LRRC28: variants seen among roughly 807,000 people sequenced by gnomAD.
The protein encoded by LRRC28 is leucine-rich repeat-containing protein 28.
In LRRC28, 39 loss-of-function variants were observed where a neutral mutation model predicts 45.7. The observed-to-expected ratio is 0.85, with a 90% CI of 0.66 to 1.12. The LOEUF is 1.12. Among genes scored for constraint, LRRC28 ranks in the 50% most tolerant of loss-of-function variants. The pLI, the probability that LRRC28 is intolerant of heterozygous loss-of-function variation, is 0.00. For missense variants in LRRC28, 435 were observed against 438.5 expected (o/e 0.99, Z 0.07); for synonymous variants, 206 against 178.8 (o/e 1.15, Z -1.22).
rs555686250 is a variant in LRRC28 at position 99,366,554 on chromosome 15, C to T, written c.1031+3289C>T. 2.6e-5 allele frequency among the ~76,000 whole-genome samples: 4 copies of T among 152,260 alleles called. No individual in the cohort carries two copies. The South Asian group carries it at 6.2e-4, about 24-fold the overall frequency. On this transcript the variant is annotated intron_variant, in intron 9 of 9. Transcript: ENST00000301981. ...TGAAATCAAGGGGTCAGCATGGTTGCGTTCTGGTGAGGGCTCTCTTCCTAG... is the reference window on the plus strand; with the variant it reads ...TGAAATCAAGGGGTCAGCATGGTTGTGTTCTGGTGAGGGCTCTCTTCCTAG...
At position 99,298,550 on chromosome 15, in the gene LRRC28, A is replaced by G. The variant is rs117154786; in HGVS notation, c.385+10599A>G. 3.0e-3 allele frequency among the ~76,000 whole-genome samples: 462 copies of G among 152,328 alleles called. 1 individual carries two copies. Among genetic ancestry groups the G allele is most frequent in the Admixed American group, 8.2e-3 (126 of 15,304 alleles). On this transcript the variant is annotated intron_variant, in intron 5 of 9. Transcript: ENST00000301981. Reference sequence around the variant, plus strand: ...AAATTGCTGAAAATGTTGTGGTTGCATGATAGAAGCCTATAATGAGTTCAT... The same window carrying G: ...AAATTGCTGAAAATGTTGTGGTTGCGTGATAGAAGCCTATAATGAGTTCAT...
chr15:99,383,321 G>C (rs1957885603), intron 9 of LRRC28, among the ~76,000 whole-genome samples: 1 of 152,200 alleles, frequency 6.6e-6, no homozygotes, highest in South Asian at 2.1e-4. Context: ...GAACGTGCCA[G>C]CACTGCGTTG....
At chr15:99,320,758 C>A (rs1474728893) in intron 5 of LRRC28, 1 of 152,126 alleles carries the variant, frequency 6.6e-6, no homozygotes, top group Non-Finnish European at 1.5e-5. Flanking sequence ...TTTGGTTTTG[C>A]CAAACTGGGT....
At chr15:99,378,468 A>C (rs1957712745) in intron 9 of LRRC28, among the ~76,000 whole-genome samples, 1 of 152,182 alleles carries the variant, frequency 6.6e-6, no homozygotes, top group Non-Finnish European at 1.5e-5. Flanking sequence ...CTAAATATAC[A>C]ATCATGTCAT....
At chr15:99,320,159 T>C (rs1225389448) in intron 5 of LRRC28, among the ~76,000 whole-genome samples, 1 of 152,172 alleles carries the variant, frequency 6.6e-6, no homozygotes, top group Non-Finnish European at 1.5e-5. Context: ...CTTTTATAAA[T>C]ATAGTATTCT....
At chr15:99,296,382 T>C (rs1002046629) in intron 5 of LRRC28, among the ~76,000 whole-genome samples, 1 of 152,208 alleles carries the variant, frequency 6.6e-6, no homozygotes, top group African/African-American at 2.4e-5. Context: ...CAGTGTGTTA[T>C]TGTGCCTCCT....
chr15:99,271,285 A>AT (rs71287826), intron 2 of LRRC28, among the ~76,000 whole-genome samples: 56,086 of 145,908 alleles, frequency 0.38, 11,800 homozygotes, highest in Middle Eastern at 0.58. Context: ...CAGTGTATCT[A>AT]TTTTTTTTTT....
intron 3 of LRRC28, among the ~76,000 whole-genome samples, chr15:99,277,722 A>G (rs1454377088): frequency 6.6e-6 from 1 of 152,094 alleles, no homozygotes; most frequent in Non-Finnish European, 1.5e-5. Context: ...GTATGTATGT[A>G]TATGTGTATT....
In LRRC28 at chr15:99,311,542, TAAA is replaced by T. The variant is rs377086347; in HGVS notation, c.386-22378_386-22376del. ...CTATATTCTTGTATGTTTTCAGTTT[TAAA>T]AAGGAAATGTATGAAGACTTGTTTT... On this transcript the variant is annotated intron_variant, in intron 5 of 9. Transcript: ENST00000301981. 2.6e-3 allele frequency among the ~76,000 whole-genome samples: 393 copies of T among 152,320 alleles called. 5 individuals carry two copies. The highest frequency in any genetic ancestry group is 8.8e-3 in the African/African-American group (367 of 41,580).
At chr15:99,376,155 G>A (rs966399080) in intron 9 of LRRC28, among the ~76,000 whole-genome samples, 2 of 151,982 alleles carry the variant, frequency 1.3e-5, no homozygotes, top group African/African-American at 2.4e-5. Flanking sequence ...TTTTTGAATC[G>A]TATTTTCATC....
chr15:99,340,549 G>T (rs1268839387), intron 6 of LRRC28, among the ~76,000 whole-genome samples: 1 of 152,248 alleles, frequency 6.6e-6, no homozygotes, highest in South Asian at 2.1e-4. Context: ...GGAGATGAGT[G>T]TAAACTGTAC....
intron 2 of LRRC28, among the ~76,000 whole-genome samples, chr15:99,266,092 A>C (rs1281006413): frequency 6.6e-6 from 1 of 152,238 alleles, no homozygotes; most frequent in African/African-American, 2.4e-5. Context: ...CAGTTAATCT[A>C]TGCAACAAGA....
At chr15:99,268,084 G>T (rs1444706966) in intron 2 of LRRC28, among the ~76,000 whole-genome samples, 1 of 152,082 alleles carries the variant, frequency 6.6e-6, no homozygotes, top group African/African-American at 2.4e-5. Context: ...AGTTAGTTTT[G>T]CTTCATTTTA....
At chr15:99,357,403 C>T (rs1037398919) in intron 7 of LRRC28, among the ~76,000 whole-genome samples, 1 of 152,174 alleles carries the variant, frequency 6.6e-6, no homozygotes. Flanking sequence ...TACTGCACAG[C>T]AATGAAAATT....
rs2081006760 is a variant in LRRC28, at chr15:99,255,978, G to A, written c.21G>A (p.Lys7=). 1 of 1,612,362 alleles carries A rather than the reference G, an allele frequency of 6.2e-7. No homozygotes were observed. Among genetic ancestry groups the A allele is most frequent in the Non-Finnish European group, 8.5e-7 (1 of 1,179,934 alleles). ...CAGTCATGGCGTCCGAACTTTGTAA[G>A]ACGATCTCTGTGGCAAGGCTAGAAA... MASELC[K]TISVARLEKH... Residue 7 remains lysine (K), a synonymous_variant, in exon 2 of 10, where the codon AAG becomes AAA. Coordinates refer to ENST00000301981, the MANE Select transcript of LRRC28 (RefSeq NM_144598.5).
intron 5 of LRRC28, among the ~76,000 whole-genome samples, chr15:99,329,112 T>G (rs1383768260): frequency 6.6e-6 from 1 of 152,192 alleles, no homozygotes; most frequent in Non-Finnish European, 1.5e-5. Context: ...CATTTTCCTT[T>G]TAACACAATG....
At chr15:99,274,597 A>G (rs146345779) in intron 2 of LRRC28, among the ~76,000 whole-genome samples, 78 of 152,332 alleles carry the variant, frequency 5.1e-4, no homozygotes, top group Non-Finnish European at 7.2e-4. Flanking sequence ...AATTTTTTCA[A>G]TTATAAAAGA....
chr15:99,291,614 C>T (rs1249564387), intron 5 of LRRC28, among the ~76,000 whole-genome samples: 1 of 152,214 alleles, frequency 6.6e-6, no homozygotes, highest in African/African-American at 2.4e-5. Flanking sequence ...AACCCCTTCT[C>T]CATAGTCCAT....
chr15:99,319,228 A>C (rs980121665), intron 5 of LRRC28, among the ~76,000 whole-genome samples: 2 of 152,162 alleles, frequency 1.3e-5, no homozygotes, highest in African/African-American at 4.8e-5. Flanking sequence ...AAAGCTTAAA[A>C]ACTCCATTGT....
Sources: allele counts gnomAD v4.1 joint callset (sites outside exome capture counted in the v4.1 genomes callset), GRCh38; gene constraint gnomAD v4.1.1; transcripts MANE v1.5; gene names NCBI Gene and HGNC (gene_info 2026-07-23, HGNC 2026-07-21).